The following MEF2B variants were observed in gnomAD, a reference collection of about 807,000 sequenced individuals.
The protein encoded by MEF2B is myocyte-specific enhancer factor 2B.
MEF2B carries 15 observed loss-of-function variants against 32.2 expected under a neutral mutation model. That is an observed-to-expected ratio of 0.47 (90% confidence interval 0.31 to 0.72). The LOEUF (loss-of-function observed/expected upper bound fraction) is 0.72, where lower values mean the gene tolerates loss of function less well. Ranked by LOEUF, MEF2B falls within the 30% of genes least tolerant of loss-of-function variation. MEF2B has a pLI of 0.05. For missense variants in MEF2B, 441 were observed against 511.5 expected, an observed-to-expected ratio of 0.86 and a Z score of 1.33; for synonymous variants, 205 against 225.6, an observed-to-expected ratio of 0.91 and a Z score of 0.82.
chr19:19,155,515 G>C (rs2060114127), intron 1 of MEF2B, among the ~76,000 whole-genome samples: 1 of 152,160 alleles, frequency 6.6e-6, no homozygotes, highest in Non-Finnish European at 1.5e-5. Context: ...TAGATCAACA[G>C]AGATGTCACT....
chr19:19,145,870 C>G lies in MEF2B; in HGVS notation c.1034G>C (p.Arg345Pro). 6.8e-7 allele frequency: 1 copy of G among 1,477,962 alleles called. No individual in the cohort carries two copies. The highest frequency in any genetic ancestry group is 9.0e-7 in the Non-Finnish European group (1 of 1,112,288). The allele number at this position is 1,477,962 out of a possible 1,614,324, so 91.6% of individuals were successfully genotyped here. A position where few individuals can be genotyped will look rare whatever the true frequency, so the allele number is the denominator to read the frequency against. Residue 345 changes from arginine to proline, a missense_variant, in exon 9 of 9, where the codon CGG becomes CCG. By Grantham distance (103) the Arg-to-Pro change is moderately radical. This residue lies in a region of MEF2B where 326 missense variants were observed against 328.4 expected (regional missense o/e 0.99). Coordinates refer to ENST00000424583, the MANE Select transcript of MEF2B (RefSeq NM_001145785.2). This position sits in a 1 kb window ranked among gnomAD's most constrained non-coding sequence, Gnocchi z 4.6. ...AGGCCGCAGAGGCTCTGCCAGGGACCGGGCGAGGAGCAAGGGATAGGGGAA... is the reference window on the plus strand; with the variant it reads ...AGGCCGCAGAGGCTCTGCCAGGGACGGGGCGAGGAGCAAGGGATAGGGGAA... ...KTFPYPLLLARSLAEPLRPGP... is the reference protein window; with the variant it reads ...KTFPYPLLLAPSLAEPLRPGP...
chr19:19,146,346 A>C lies in MEF2B; in HGVS notation c.808T>G (p.Leu270Val). 8.8e-7 allele frequency: 1 copy of C among 1,138,162 alleles called. No individual in the cohort carries two copies. Among genetic ancestry groups the C allele is most frequent in the Non-Finnish European group, 1.2e-6 (1 of 853,596 alleles). The allele number at this position is 1,138,162 out of a possible 1,614,324, so 70.5% of individuals were successfully genotyped here. The change falls in exon 8 of 9, where the codon TTG (leucine) becomes GTG (valine). Residue 270 changes from leucine (L) to valine (V), a missense_variant. By Grantham distance (32) the Leu-to-Val change is conservative (BLOSUM62 1). Coordinates refer to ENST00000424583, the MANE Select transcript of MEF2B (RefSeq NM_001145785.2). The part of the protein sequence containing the change: ...LGDPPPPPGL[L>V]QPPTLAPWQP... ...CAGGGGGCCAGGGTGGGGGGCTGCA[A>C]CAAGCCAGGGGGCGGTGGAGGGTCT...
chr19:19,153,813 A>G (rs1599725672), intron 1 of MEF2B, among the ~76,000 whole-genome samples: 1 of 152,036 alleles, frequency 6.6e-6, no homozygotes, highest in Non-Finnish European at 1.5e-5. Context: ...TGCGGTGGTG[A>G]GATCTCAGCT....
At chr19:19,147,902 G>T in intron 3 of MEF2B, 70 bp from the exon 4 acceptor site, 1 of 1,553,038 alleles carries the variant, frequency 6.4e-7, no homozygotes, top group Non-Finnish European at 8.7e-7. Context: ...TTCTATGGGA[G>T]AGGGGACAGA....
intron 1 of MEF2B, among the ~76,000 whole-genome samples, chr19:19,163,737 T>C (rs536724961): frequency 1.3e-5 from 2 of 152,286 alleles, no homozygotes; most frequent in East Asian, 3.9e-4. Context: ...TACTGCAACC[T>C]CCGCCTCCCA....
At chr19:19,169,999 C>A (rs1274702987) in intron 1 of MEF2B, among the ~76,000 whole-genome samples, 1 of 152,118 alleles carries the variant, frequency 6.6e-6, no homozygotes, top group Non-Finnish European at 1.5e-5. Flanking sequence ...AACTTCCAGA[C>A]CCACACCCTT....
Position 19,146,044 on chromosome 19 carries a change from G to C in MEF2B, c.882-22C>G. 3 of 1,415,402 alleles carry C rather than the reference G, an allele frequency of 2.1e-6. No homozygotes were observed. The African/African-American group carries it at 4.5e-5, about 21-fold the overall frequency. 87.7% of individuals were successfully genotyped at this position (1,415,402 alleles called of 1,614,324 possible). ...CCCACTGCAGGGGGAAAGAGAGAGGGAGGCCGTGAGCTCAGCGAGGAAGGG... is the reference window on the plus strand; with the variant it reads ...CCCACTGCAGGGGGAAAGAGAGAGGCAGGCCGTGAGCTCAGCGAGGAAGGG... On this transcript the variant is annotated intron_variant, in intron 8 of 8. Coordinates refer to ENST00000424583, the MANE Select transcript of MEF2B (RefSeq NM_001145785.2).
Position 19,150,678 on chromosome 19 carries a change from TC to T in MEF2B, c.54+3del. The T allele has an allele frequency of 5.0e-6, 8 of 1,614,206 alleles. No homozygotes were observed. Among genetic ancestry groups the T allele is most frequent in the Non-Finnish European group, 6.8e-6 (8 of 1,180,034 alleles). On this transcript the variant is annotated splice_donor_region_variant and intron_variant, in intron 2 of 8. Transcript: ENST00000424583. ...CCAGCCACTGTTCCACCCAGTGAACTCACCTGCCGATTCCTTTGGTCCAGGA... is the reference window on the plus strand; with the variant it reads ...CCAGCCACTGTTCCACCCAGTGAACTACCTGCCGATTCCTTTGGTCCAGGA...
Position 19,170,261 on chromosome 19 carries a change from G to A in MEF2B, c.-86C>T, listed in dbSNP as rs1016816773. The A allele has an allele frequency of 1.1e-4, 44 of 398,502 alleles. No individual in the cohort carries two copies. Among genetic ancestry groups the A allele is most frequent in the Non-Finnish European group, 1.5e-4 (35 of 225,962 alleles). The allele number at this position is 398,502 out of a possible 1,614,324, so 24.7% of individuals were successfully genotyped here. A position where few individuals can be genotyped will look rare whatever the true frequency, so the allele number is the denominator to read the frequency against. ...CACGGACCCGCGGCGGCTGCACGAAGATCAGGGGCCCGCGGCCGCAGGTGC... is the reference window on the plus strand; with the variant it reads ...CACGGACCCGCGGCGGCTGCACGAAAATCAGGGGCCCGCGGCCGCAGGTGC... On this transcript the variant is annotated 5_prime_UTR_variant, in exon 1 of 9. Transcript: ENST00000424583.
chr19:19,152,022 G>A (rs550840106), intron 1 of MEF2B, among the ~76,000 whole-genome samples: 18 of 149,344 alleles, frequency 1.2e-4, no homozygotes, highest in Middle Eastern at 3.4e-3. Flanking sequence ...GGGCAATGGC[G>A]CGATCTCGGC....
intron 3 of MEF2B, among the ~76,000 whole-genome samples, chr19:19,148,397 G>A (rs1024999465): frequency 6.6e-6 from 1 of 152,198 alleles, no homozygotes; most frequent in Non-Finnish European, 1.5e-5. Context: ...TCCGAGAGGC[G>A]GAGGTTGCGG....
rs1367734261 is a variant in MEF2B at position 19,145,841 on chromosome 19, G to A, written c.1063C>T (p.Pro355Ser). The A allele has an allele frequency of 2.6e-6, 4 of 1,511,762 alleles. No individual in the cohort carries two copies. Among genetic ancestry groups the A allele is most frequent in the Non-Finnish European group, 3.6e-6 (4 of 1,126,722 alleles). The allele number at this position is 1,511,762 out of a possible 1,614,324, so 93.6% of individuals were successfully genotyped here. A position where few individuals can be genotyped will look rare whatever the true frequency, so the allele number is the denominator to read the frequency against. The stretch of plus-strand genomic sequence containing the variant: ...GCCAAGGGCAGCCGGCGCAGGGCGG[G>A]CCCAGGCCGCAGAGGCTCTGCCAGG... ...RSLAEPLRPG[P>S]ALRRLPLADG... Residue 355 changes from proline to serine, a missense_variant, in exon 9 of 9, where the codon CCC becomes TCC. Pro to Ser is a moderately conservative substitution (Grantham distance 74). This residue lies in a region of MEF2B where 326 missense variants were observed against 328.4 expected (regional missense o/e 0.99). Transcript: ENST00000424583. This position sits in a 1 kb window ranked among gnomAD's most constrained non-coding sequence, Gnocchi z 4.6.
In MEF2B at chr19:19,147,372, G is replaced by T. The variant is rs1599718864; in HGVS notation, c.394-189C>A. Among the ~76,000 whole-genome samples, 2 of 131,832 alleles carry T rather than the reference G, an allele frequency of 1.5e-5. 1 individual carries two copies. The highest frequency in any genetic ancestry group is 4.5e-4 in the East Asian group (2 of 4,420). The allele number at this position is 131,832 out of a possible 152,430, so 86.5% of individuals were successfully genotyped here. A position where few individuals can be genotyped will look rare whatever the true frequency, so the allele number is the denominator to read the frequency against. On this transcript the variant is annotated intron_variant, in intron 4 of 8. Transcript: ENST00000424583. ...TACAGGCTGGGGGAGCTTCTGTCTGGCTCTGCCTGTCCTTGACAGGTAGGT... is the reference window on the plus strand; with the variant it reads ...TACAGGCTGGGGGAGCTTCTGTCTGTCTCTGCCTGTCCTTGACAGGTAGGT...
chr19:19,164,474 A>G (rs1402863073), intron 1 of MEF2B, among the ~76,000 whole-genome samples: 1 of 152,132 alleles, frequency 6.6e-6, no homozygotes, highest in Non-Finnish European at 1.5e-5. Flanking sequence ...CCAGGTGACC[A>G]TCCATGGCAA....
intron 1 of MEF2B, among the ~76,000 whole-genome samples, chr19:19,151,958 A>ATTTTT (rs201703145): frequency 2.6e-5 from 3 of 116,570 alleles, no homozygotes; most frequent in African/African-American, 6.6e-5. Flanking sequence ...CCCCATCTCT[A>ATTTTT]TTTTTTTTTT....
chr19:19,167,372 A>T, intron 1 of MEF2B, among the ~76,000 whole-genome samples: 1 of 82,980 alleles, frequency 1.2e-5, no homozygotes. Context: ...AAAAAAAAAA[A>T]TTAGCTGGGT....
At chr19:19,158,804 G>A (rs964606699) in intron 1 of MEF2B, among the ~76,000 whole-genome samples, 4 of 151,562 alleles carry the variant, frequency 2.6e-5, no homozygotes, top group African/African-American at 4.8e-5. Context: ...AGGCGTGGTG[G>A]TGCACCCCTT....
chr19:19,161,276 CA>C (rs1208226351), intron 1 of MEF2B, among the ~76,000 whole-genome samples: 1 of 151,924 alleles, frequency 6.6e-6, no homozygotes, highest in African/African-American at 2.4e-5. Context: ...TGCTGAGGGA[CA>C]GGGGCGGATG....
At position 19,166,609 on chromosome 19, in the gene MEF2B, A is replaced by G. The variant is rs1352274505; in HGVS notation, c.-30+3596T>C. 2.7e-5 allele frequency among the ~76,000 whole-genome samples: 4 copies of G among 150,582 alleles called. No homozygotes were observed. The East Asian group carries it at 7.8e-4, about 29-fold the overall frequency. ...CCCCATCTCCAATTAAAAAAAAAAAAAAAGCCAGGCAAGGTAGCACTCCCC... is the reference window on the plus strand; with the variant it reads ...CCCCATCTCCAATTAAAAAAAAAAAGAAAGCCAGGCAAGGTAGCACTCCCC... On this transcript the variant is annotated intron_variant, in intron 1 of 8. Coordinates refer to ENST00000424583, the MANE Select transcript of MEF2B (RefSeq NM_001145785.2).
Sources: allele counts gnomAD v4.1 joint callset (sites outside exome capture counted in the v4.1 genomes callset), GRCh38; gene constraint gnomAD v4.1.1; regional missense constraint gnomAD v4.1.1; non-coding constraint Gnocchi (gnomAD v3.1); transcripts MANE v1.5; gene names NCBI Gene and HGNC (gene_info 2026-07-23, HGNC 2026-07-21).